Variants in CTNNA3 observed in about 807,000 individuals in gnomAD.
CTNNA3 encodes the protein catenin alpha-3.
CTNNA3 carries 76 observed loss-of-function variants against 95.7 expected under a neutral mutation model. The ratio of observed to expected loss-of-function variants is 0.79; its 90% CI spans 0.66 to 0.96. CTNNA3 has a LOEUF of 0.96. CTNNA3 is among the 40% of genes least tolerant of loss of function. The probability of loss-of-function intolerance (pLI) is 0.00; values close to 1 mark genes in which losing one functional copy is unlikely to be tolerated. For synonymous variants in CTNNA3, 431 were observed against 374.4 expected, an observed-to-expected ratio of 1.15 and a Z score of -1.74; for missense variants, 1,191 against 1,089.8, an observed-to-expected ratio of 1.09 and a Z score of -1.31.
At chr10:67,161,666 T>C (rs1003857052) in intron 7 of CTNNA3, among the ~76,000 whole-genome samples, 2 of 151,902 alleles carry the variant, frequency 1.3e-5, no homozygotes, top group Admixed American at 1.3e-4. Context: ...GGTAGATAGA[T>C]TAGACATAAT....
chr10:67,679,285 A>G (rs1031484659), intron 1 of CTNNA3, among the ~76,000 whole-genome samples: 2 of 152,180 alleles, frequency 1.3e-5, no homozygotes, highest in Non-Finnish European at 2.9e-5. Flanking sequence ...CTAGATGCCA[A>G]AAGAACCTGC....
intron 5 of CTNNA3, among the ~76,000 whole-genome samples, chr10:67,392,604 C>T (rs899518086): frequency 6.6e-6 from 1 of 152,186 alleles, no homozygotes; most frequent in Non-Finnish European, 1.5e-5. Flanking sequence ...GACGCATGCA[C>T]ACGTATGTTT....
chr10:67,604,535 C>A (rs1418394181), intron 3 of CTNNA3, among the ~76,000 whole-genome samples: 1 of 152,020 alleles, frequency 6.6e-6, no homozygotes, highest in Non-Finnish European at 1.5e-5. Flanking sequence ...ATGCAATAAT[C>A]CTGAATTCAT....
chr10:67,043,209 G>A (rs148613871), intron 7 of CTNNA3, among the ~76,000 whole-genome samples: 1 of 144,700 alleles, frequency 6.9e-6, no homozygotes, highest in African/African-American at 2.5e-5. Context: ...TCACATACTT[G>A]AAGTGTGCCA....
At chr10:66,255,246 C>T (rs994591792) in intron 13 of CTNNA3, among the ~76,000 whole-genome samples, 2 of 152,130 alleles carry the variant, frequency 1.3e-5, no homozygotes, top group African/African-American at 4.8e-5. Context: ...ATGGTAGGCA[C>T]CCCCAGATAG....
intron 2 of CTNNA3, among the ~76,000 whole-genome samples, chr10:67,619,949 C>A (rs1346039306): frequency 6.6e-6 from 1 of 151,876 alleles, no homozygotes; most frequent in African/African-American, 2.4e-5. Flanking sequence ...TTAAATCAGT[C>A]TTGATTCCCA....
At chr10:67,124,476 A>G (rs970635467) in intron 7 of CTNNA3, among the ~76,000 whole-genome samples, 3 of 152,052 alleles carry the variant, frequency 2.0e-5, no homozygotes, top group Admixed American at 2.0e-4. Context: ...TCTAGATTAC[A>G]TTTGTCACAT....
At chr10:67,566,041 G>GTATACATATATA (rs1388066358) in intron 3 of CTNNA3, among the ~76,000 whole-genome samples, 2 of 29,434 alleles carry the variant, frequency 6.8e-5, no homozygotes, top group African/African-American at 2.7e-4. Context: ...ATATGTGTGT[G>GTATACATATATA]TGTATATATA....
At chr10:66,163,339 G>A (rs2084950459) in intron 13 of CTNNA3, among the ~76,000 whole-genome samples, 1 of 152,132 alleles carries the variant, frequency 6.6e-6, no homozygotes, top group African/African-American at 2.4e-5. Flanking sequence ...TGTGGTGCCA[G>A]GAAGGAATAG....
intron 7 of CTNNA3, among the ~76,000 whole-genome samples, chr10:66,819,484 T>A (rs919488407): frequency 6.6e-6 from 1 of 152,020 alleles, no homozygotes; most frequent in African/African-American, 2.4e-5. Flanking sequence ...AATAAATAGG[T>A]ATACTGGACT....
intron 9 of CTNNA3, among the ~76,000 whole-genome samples, chr10:66,757,406 G>A (rs1406893449): frequency 3.3e-5 from 5 of 152,146 alleles, no homozygotes; most frequent in Non-Finnish European, 5.9e-5. Context: ...CATAGCACTG[G>A]TTAAAAGACA....
At chr10:67,273,936 T>C (rs1304536640) in intron 5 of CTNNA3, among the ~76,000 whole-genome samples, 2 of 152,108 alleles carry the variant, frequency 1.3e-5, no homozygotes, top group Admixed American at 6.6e-5. Flanking sequence ...ACAAGAGGGA[T>C]AAAGGAACTT....
intron 13 of CTNNA3, among the ~76,000 whole-genome samples, chr10:66,122,853 C>T (rs564460713): frequency 6.6e-6 from 1 of 152,184 alleles, no homozygotes; most frequent in Admixed American, 6.5e-5. Context: ...TTGTGAGACT[C>T]ATTTACTATC....
intron 9 of CTNNA3, among the ~76,000 whole-genome samples, chr10:66,745,117 G>T (rs2132709334): frequency 6.6e-6 from 1 of 152,242 alleles, no homozygotes; most frequent in South Asian, 2.1e-4. Context: ...CATCCACCAT[G>T]CTGTCATCAC....
intron 15 of CTNNA3, among the ~76,000 whole-genome samples, chr10:65,993,889 C>T (rs2078594561): frequency 6.6e-6 from 1 of 152,130 alleles, no homozygotes; most frequent in Non-Finnish European, 1.5e-5. Context: ...GCATGTGCCA[C>T]CATGCCTGGT....
intron 7 of CTNNA3, among the ~76,000 whole-genome samples, chr10:66,814,399 C>T (rs1002076157): frequency 2.0e-5 from 3 of 151,948 alleles, no homozygotes; most frequent in African/African-American, 7.3e-5. Flanking sequence ...GGGGTCAAGC[C>T]TATGATGAAG....
At chr10:66,157,741 C>T (rs1473081801) in intron 13 of CTNNA3, among the ~76,000 whole-genome samples, 1 of 152,006 alleles carries the variant, frequency 6.6e-6, no homozygotes, top group Non-Finnish European at 1.5e-5. Flanking sequence ...TAAGGAATCG[C>T]CACACTGTTT....
intron 13 of CTNNA3, among the ~76,000 whole-genome samples, chr10:66,257,590 C>T (rs905627680): frequency 6.6e-6 from 1 of 152,224 alleles, no homozygotes; most frequent in African/African-American, 2.4e-5. Flanking sequence ...TGGAATACTT[C>T]TCTTCCTGGT....
chr10:66,615,427 G>A (rs934815497), intron 10 of CTNNA3, among the ~76,000 whole-genome samples: 5 of 151,736 alleles, frequency 3.3e-5, no homozygotes, highest in African/African-American at 9.7e-5. Context: ...TAACTTTCTG[G>A]ACTTTTCAGG....
Sources: gnomAD v4.1 joint callset for allele counts (sites outside exome capture counted in the v4.1 genomes callset) on GRCh38, gnomAD v4.1.1 for gene constraint, MANE v1.5 for transcripts, NCBI Gene and HGNC (gene_info 2026-07-23, HGNC 2026-07-21) for gene names.